Variants in SLC24A2 observed in about 807,000 individuals in gnomAD.
SLC24A2 encodes the protein sodium/potassium/calcium exchanger 2.
SLC24A2 carries 36 observed loss-of-function variants against 62.0 expected under a neutral mutation model. The ratio of observed to expected loss-of-function variants is 0.58; its 90% CI spans 0.44 to 0.77. SLC24A2 has a LOEUF of 0.77. SLC24A2 is among the 30% of genes least tolerant of loss of function. The pLI is 0.00. For missense variants in SLC24A2, 846 were observed against 817.9 expected (o/e 1.03, Z -0.42); for synonymous variants, 358 against 294.0 (o/e 1.22, Z -2.23).
At chr9:19,945,336 G>C in the SLC24A2 span, among the ~76,000 whole-genome samples, 4 of 152,058 alleles carry the variant, frequency 2.6e-5, no homozygotes, top group African/African-American at 9.7e-5. Flanking sequence ...AGGGGAGAGA[G>C]AGAACATAAA....
the SLC24A2 span, among the ~76,000 whole-genome samples, chr9:19,992,195 G>C: frequency 6.6e-6 from 1 of 152,196 alleles, no homozygotes; most frequent in Non-Finnish European, 1.5e-5. Context: ...ATCTCCAAGA[G>C]AACAACTCTG....
the SLC24A2 span, among the ~76,000 whole-genome samples, chr9:19,987,989 T>A: frequency 8.7e-3 from 1,324 of 152,268 alleles, 26 homozygotes; most frequent in African/African-American, 0.031. Flanking sequence ...AACACTTTTG[T>A]AAAAGTATGC....
intron 5 of SLC24A2, among the ~76,000 whole-genome samples, chr9:19,587,610 A>G (rs946674189): frequency 2.0e-5 from 3 of 152,076 alleles, no homozygotes; most frequent in Non-Finnish European, 4.4e-5. Flanking sequence ...GAAACTTACC[A>G]TGCCTAATTG....
rs368590535 is a variant in SLC24A2 at position 19,786,285 on chromosome 9, T to C, written c.582A>G (p.Ile194Met). ...CGTTGCTGTGAGCGATAAATACCCC[T>C]ATGAGAGATGTGAAAAGTTCTGGGG... Reference protein sequence around the residue: ...GSAPELFTSLIGVFIAHSNVG... With the variant: ...GSAPELFTSLMGVFIAHSNVG... The change falls in exon 2 of 11, where the codon ATA becomes ATG. Residue 194 changes from isoleucine (I) to methionine (M), a missense_variant. Ile to Met is a conservative substitution (Grantham distance 10). Transcript: ENST00000341998. This position sits in a 1 kb window ranked among gnomAD's most constrained non-coding sequence, Gnocchi z 5.0. The C allele has an allele frequency of 3.7e-5, 60 of 1,614,028 alleles. No individual in the cohort carries two copies. The highest frequency in any genetic ancestry group is 1.7e-5 in the Non-Finnish European group (20 of 1,180,032).
the SLC24A2 span, among the ~76,000 whole-genome samples, chr9:20,252,799 T>C: frequency 6.6e-6 from 1 of 152,218 alleles, no homozygotes; most frequent in African/African-American, 2.4e-5. Context: ...CCAAAAAACA[T>C]GGGATCCCCA....
the SLC24A2 span, among the ~76,000 whole-genome samples, chr9:19,937,345 A>G: frequency 2.0e-5 from 3 of 152,234 alleles, no homozygotes; most frequent in Non-Finnish European, 4.4e-5. Context: ...AATGTACAGA[A>G]TAATGGTTTT....
At chr9:20,240,490 T>A in the SLC24A2 span, among the ~76,000 whole-genome samples, 1 of 152,346 alleles carries the variant, frequency 6.6e-6, no homozygotes, top group Non-Finnish European at 1.5e-5. Flanking sequence ...CTCAGGGTGT[T>A]TCCCTTGTTA....
chr9:19,964,821 C>T, the SLC24A2 span, among the ~76,000 whole-genome samples: 2 of 152,230 alleles, frequency 1.3e-5, no homozygotes, highest in Non-Finnish European at 2.9e-5. Context: ...TGTAGCATGT[C>T]TGACTTCCAG....
At chr9:19,525,391 CTTTTTTTTTTTTTTTT>C (rs572919824) in intron 9 of SLC24A2, among the ~76,000 whole-genome samples, 3 of 76,374 alleles carry the variant, frequency 3.9e-5, no homozygotes, top group Non-Finnish European at 7.0e-5. Context: ...TATTTCTTTA[CTTTTTTTTTTTTTTTT>C]TTTTTTTTTT....
At chr9:19,782,971 A>C (rs992665244) in intron 2 of SLC24A2, among the ~76,000 whole-genome samples, 1 of 152,186 alleles carries the variant, frequency 6.6e-6, no homozygotes, top group Non-Finnish European at 1.5e-5. Flanking sequence ...CTTTTTAAAA[A>C]GGGTAGTAGC....
chr9:19,773,593 A>C (rs1002455510), intron 2 of SLC24A2, among the ~76,000 whole-genome samples: 1 of 152,160 alleles, frequency 6.6e-6, no homozygotes, highest in Non-Finnish European at 1.5e-5. Context: ...TATCATGAAC[A>C]CTCATCATCA....
At chr9:19,558,856 A>G (rs1835245196) in intron 7 of SLC24A2, among the ~76,000 whole-genome samples, 1 of 152,188 alleles carries the variant, frequency 6.6e-6, no homozygotes, top group Non-Finnish European at 1.5e-5. Flanking sequence ...TTCCTTGGAA[A>G]CTGGTAAAAA....
the SLC24A2 span, among the ~76,000 whole-genome samples, chr9:19,982,144 G>A: frequency 1.3e-5 from 2 of 152,154 alleles, no homozygotes; most frequent in Non-Finnish European, 2.9e-5. Context: ...TGATACTTGA[G>A]GAAATGTTTT....
intron 2 of SLC24A2, among the ~76,000 whole-genome samples, chr9:19,738,408 A>AG (rs1821572328): frequency 6.6e-6 from 1 of 152,174 alleles, no homozygotes; most frequent in African/African-American, 2.4e-5. Flanking sequence ...CGAGAGAGAG[A>AG]GAACGCATGC....
At chr9:20,009,361 G>C in the SLC24A2 span, among the ~76,000 whole-genome samples, 6 of 150,098 alleles carry the variant, frequency 4.0e-5, no homozygotes, top group African/African-American at 9.9e-5. Context: ...TTCTAGCCTG[G>C]GTGACAGACT....
chr9:19,789,045 T>C, upstream of SLC24A2: 5 of 714,092 alleles, frequency 7.0e-6, no homozygotes, highest in Non-Finnish European at 6.9e-6. Context: ...ACTGAGCCGC[T>C]GTGAGCCCGG....
the SLC24A2 span, among the ~76,000 whole-genome samples, chr9:19,819,628 C>T: frequency 6.6e-5 from 10 of 151,930 alleles, no homozygotes; most frequent in Admixed American, 6.6e-4. Flanking sequence ...CACTAATGAT[C>T]GGGGAACTGC....
the SLC24A2 span, among the ~76,000 whole-genome samples, chr9:19,903,261 G>A: frequency 6.6e-6 from 1 of 152,162 alleles, no homozygotes; most frequent in Non-Finnish European, 1.5e-5. Context: ...TGTTGGTGAA[G>A]GCCCTCCTCC....
At chr9:19,527,452 A>G (rs1833492291) in intron 9 of SLC24A2, among the ~76,000 whole-genome samples, 1 of 152,244 alleles carries the variant, frequency 6.6e-6, no homozygotes, top group Non-Finnish European at 1.5e-5. Context: ...GGTGTGTAGG[A>G]CATACTCAAT....
Sources: allele counts gnomAD v4.1 joint callset (sites outside exome capture counted in the v4.1 genomes callset), GRCh38; gene constraint gnomAD v4.1.1; non-coding constraint Gnocchi (gnomAD v3.1); transcripts MANE v1.5; gene names NCBI Gene and HGNC (gene_info 2026-07-23, HGNC 2026-07-21).